The following PTPRG variants were observed in gnomAD, a reference collection of about 807,000 sequenced individuals.
PTPRG encodes receptor-type tyrosine-protein phosphatase gamma.
Under a neutral mutation model 165.3 loss-of-function variants are expected in PTPRG, and 102 were observed. The ratio of observed to expected loss-of-function variants is 0.62; its 90% CI spans 0.53 to 0.73. The LOEUF (loss-of-function observed/expected upper bound fraction) is 0.73. Ranked by LOEUF, PTPRG falls within the 30% of genes least tolerant of loss-of-function variation. The probability of loss-of-function intolerance (pLI) is 0.00; values close to 1 mark genes in which losing one functional copy is unlikely to be tolerated. For missense variants in PTPRG, 1,866 were observed against 1,861.4 expected (o/e 1.00, Z -0.05); for synonymous variants, 675 against 669.5 (o/e 1.01, Z -0.13).
intron 26 of PTPRG, among the ~76,000 whole-genome samples, chr3:62,280,396 C>A (rs890245796): frequency 2.0e-5 from 3 of 151,920 alleles, no homozygotes; most frequent in African/African-American, 7.2e-5. Flanking sequence ...TCATGAAATA[C>A]CTGATTTAAA....
chr3:61,754,724 C>A (rs573241835), intron 2 of PTPRG, among the ~76,000 whole-genome samples: 1 of 152,256 alleles, frequency 6.6e-6, no homozygotes, highest in East Asian at 1.9e-4. Context: ...ATAACAAGCT[C>A]CCCTGGTGAA....
intron 3 of PTPRG, among the ~76,000 whole-genome samples, chr3:61,991,206 G>A (rs531146911): frequency 4.3e-4 from 65 of 152,074 alleles, no homozygotes; most frequent in Non-Finnish European, 7.6e-4. Context: ...TTATTTGTAC[G>A]TAATTTTTTA....
chr3:61,937,288 T>A (rs1368819989), intron 2 of PTPRG, among the ~76,000 whole-genome samples: 1 of 152,214 alleles, frequency 6.6e-6, no homozygotes, highest in African/African-American at 2.4e-5. Flanking sequence ...CCTTTTAATG[T>A]GAGAACTGCT....
chr3:62,283,781 C>G (rs1010482172), intron 28 of PTPRG, among the ~76,000 whole-genome samples: 2 of 152,086 alleles, frequency 1.3e-5, no homozygotes, highest in Non-Finnish European at 2.9e-5. Flanking sequence ...AGCTCAGCAC[C>G]TTCACCTCAA....
intron 2 of PTPRG, among the ~76,000 whole-genome samples, chr3:61,842,684 CAAAAAAA>C (rs199500194): frequency 0.23 from 27,614 of 121,662 alleles, 3,362 homozygotes; most frequent in Middle Eastern, 0.32. Flanking sequence ...GTATGTGTGG[CAAAAAAA>C]AAAAAAAAAA....
intron 20 of PTPRG, 21 bp downstream of exon 20, chr3:62,269,190 G>A: frequency 6.4e-7 from 1 of 1,551,486 alleles, no homozygotes; most frequent in South Asian, 1.2e-5. Flanking sequence ...AATTGGGTAG[G>A]CTGCCAGGGC....
At chr3:61,960,745 C>T (rs531603037) in intron 2 of PTPRG, among the ~76,000 whole-genome samples, 1 of 152,260 alleles carries the variant, frequency 6.6e-6, no homozygotes, top group Admixed American at 6.5e-5. Context: ...TTGCTTTTGT[C>T]ATTAAGTAAT....
At chr3:61,793,042 C>A (rs963330623) in intron 2 of PTPRG, among the ~76,000 whole-genome samples, 2 of 151,936 alleles carry the variant, frequency 1.3e-5, no homozygotes, top group Non-Finnish European at 2.9e-5. Flanking sequence ...GAGAGTGGCA[C>A]AAGAAATATA....
chr3:61,589,292 A>C (rs1700509245), intron 1 of PTPRG, among the ~76,000 whole-genome samples: 2 of 152,198 alleles, frequency 1.3e-5, no homozygotes, highest in South Asian at 4.1e-4. Flanking sequence ...GGCCTGTTAC[A>C]GAAAAAGGCT....
chr3:61,961,634 C>G (rs191128510), intron 2 of PTPRG, among the ~76,000 whole-genome samples: 2 of 152,232 alleles, frequency 1.3e-5, no homozygotes, highest in Non-Finnish European at 2.9e-5. Flanking sequence ...CTGAGAAAAT[C>G]CAGCCATGCT....
intron 1 of PTPRG, among the ~76,000 whole-genome samples, chr3:61,682,160 A>AAAAAG (rs1482375242): frequency 6.6e-6 from 1 of 151,584 alleles, no homozygotes; most frequent in East Asian, 1.9e-4. Flanking sequence ...AAAAAAAAAA[A>AAAAAG]AAAAAAAGTG....
intron 4 of PTPRG, among the ~76,000 whole-genome samples, chr3:62,072,964 G>C (rs1436958284): frequency 2.0e-5 from 3 of 152,108 alleles, no homozygotes; most frequent in Non-Finnish European, 2.9e-5. Context: ...CTTGATAGGA[G>C]TTGCTAAAAA....
rs966309980 is a variant in PTPRG, at chr3:62,228,558, A to G, written c.2289-2667A>G. The stretch of plus-strand genomic sequence containing the variant: ...AGAAAAAAGAAAAAGAAAAAGGACA[A>G]GTGCTCCAGGCAGAGGTCGCTGTGT... On this transcript the variant is annotated intron_variant, in intron 13 of 29. Transcript: ENST00000474889. The surrounding 1 kb of genome is among the most constrained non-coding windows in gnomAD (Gnocchi z 4.1). Among the ~76,000 whole-genome samples, 1 of 152,182 alleles carries G rather than the reference A, an allele frequency of 6.6e-6. No individual in the cohort carries two copies. Among genetic ancestry groups the G allele is most frequent in the East Asian group, 1.9e-4 (1 of 5,162 alleles).
At chr3:62,150,818 T>A (rs1372260355) in intron 6 of PTPRG, among the ~76,000 whole-genome samples, 1 of 152,200 alleles carries the variant, frequency 6.6e-6, no homozygotes, top group East Asian at 1.9e-4. Context: ...AACTACCACA[T>A]CCTGTCCAAA....
At chr3:61,857,932 A>G (rs2107390366) in intron 2 of PTPRG, among the ~76,000 whole-genome samples, 1 of 152,254 alleles carries the variant, frequency 6.6e-6, no homozygotes, top group African/African-American at 2.4e-5. Context: ...CCCTGCCTCT[A>G]TCCACTGGAA....
At chr3:61,894,606 C>G (rs532748648) in intron 2 of PTPRG, among the ~76,000 whole-genome samples, 28 of 152,244 alleles carry the variant, frequency 1.8e-4, no homozygotes, top group African/African-American at 6.5e-4. Context: ...ATAATAGAGA[C>G]TTACTAAAGG....
chr3:61,824,436 A>G (rs2036048286), intron 2 of PTPRG, among the ~76,000 whole-genome samples: 1 of 152,214 alleles, frequency 6.6e-6, no homozygotes, highest in South Asian at 2.1e-4. Flanking sequence ...AGAAAAACAA[A>G]CTTTACATCT....
intron 2 of PTPRG, among the ~76,000 whole-genome samples, chr3:61,913,293 C>T (rs1448322160): frequency 2.0e-5 from 3 of 152,140 alleles, no homozygotes; most frequent in Non-Finnish European, 4.4e-5. Flanking sequence ...GATCTTGGCT[C>T]ACTGCAAGCT....
At chr3:61,903,927 T>A (rs1456546764) in intron 2 of PTPRG, among the ~76,000 whole-genome samples, 1 of 152,210 alleles carries the variant, frequency 6.6e-6, no homozygotes, top group African/African-American at 2.4e-5. Context: ...TTTACATATG[T>A]CTGTTCTGTC....
Sources: allele counts gnomAD v4.1 joint callset (sites outside exome capture counted in the v4.1 genomes callset), GRCh38; gene constraint gnomAD v4.1.1; non-coding constraint Gnocchi (gnomAD v3.1); transcripts MANE v1.5; gene names NCBI Gene and HGNC (gene_info 2026-07-23, HGNC 2026-07-21).